SPMIP7: variants seen among roughly 807,000 people sequenced by gnomAD.
SPMIP7 encodes the protein protein SPMIP7.
chr7:50,157,436 T>C, the SPMIP7 span, among the ~76,000 whole-genome samples: 1 of 152,186 alleles, frequency 6.6e-6, no homozygotes, highest in African/African-American at 2.4e-5. Context: ...CCAGTGTTTC[T>C]TGCCCACACC....
At chr7:50,101,825 T>C in the SPMIP7 span, among the ~76,000 whole-genome samples, 3 of 152,314 alleles carry the variant, frequency 2.0e-5, no homozygotes, top group African/African-American at 7.2e-5. Flanking sequence ...TTCTTAAAAC[T>C]GAAATGACCA....
the SPMIP7 span, among the ~76,000 whole-genome samples, chr7:50,131,202 G>A: frequency 1.6e-4 from 24 of 152,206 alleles, no homozygotes; most frequent in Middle Eastern, 6.8e-3. Context: ...TGTAAGCAAC[G>A]GTTGAGTTCT....
chr7:50,128,819 T>C, the SPMIP7 span, among the ~76,000 whole-genome samples: 1 of 151,996 alleles, frequency 6.6e-6, no homozygotes, highest in African/African-American at 2.4e-5. Context: ...AAGTTATGAA[T>C]TGTTAAATCG....
the SPMIP7 span, chr7:50,104,463 T>TA: frequency 4.6e-6 from 2 of 439,536 alleles, no homozygotes; most frequent in Admixed American, 4.6e-5. Context: ...TTTCATTGTA[T>TA]TATATATATA....
At chr7:50,109,218 AAT>A in the SPMIP7 span, among the ~76,000 whole-genome samples, 4 of 152,202 alleles carry the variant, frequency 2.6e-5, no homozygotes, top group African/African-American at 9.7e-5. Context: ...ATGGCTCAGA[AAT>A]AGTTTTATGT....
chr7:50,127,591 T>C, the SPMIP7 span, among the ~76,000 whole-genome samples: 1 of 146,304 alleles, frequency 6.8e-6, no homozygotes, highest in Non-Finnish European at 1.5e-5. Context: ...TGTGTTATTC[T>C]GAAAAACGTC....
the SPMIP7 span, among the ~76,000 whole-genome samples, chr7:50,121,806 A>G: frequency 6.8e-6 from 1 of 146,466 alleles, no homozygotes; most frequent in African/African-American, 2.6e-5. Flanking sequence ...GGCACTTGCC[A>G]TCATGCCCAG....
At chr7:50,120,087 G>C in the SPMIP7 span, 1 of 152,130 alleles carries the variant, frequency 6.6e-6, no homozygotes, top group South Asian at 2.1e-4. Flanking sequence ...CTGCTTGCTG[G>C]TTCATATCTT....
the SPMIP7 span, chr7:50,129,912 G>A: frequency 0.83 from 525,369 of 630,426 alleles, 219,549 homozygotes; most frequent in East Asian, 0.91. Flanking sequence ...GACATCAAAC[G>A]CAGACATTTA....
At chr7:50,154,647 C>G in the SPMIP7 span, among the ~76,000 whole-genome samples, 3 of 152,164 alleles carry the variant, frequency 2.0e-5, no homozygotes, top group East Asian at 1.9e-4. Flanking sequence ...GTGTCCATAT[C>G]TTGGCTATTG....
the SPMIP7 span, among the ~76,000 whole-genome samples, chr7:50,102,839 GT>G: frequency 2.0e-5 from 3 of 151,540 alleles, no homozygotes; most frequent in African/African-American, 7.3e-5. Flanking sequence ...ATTTCTTTGT[GT>G]TCATTAATTA....
At chr7:50,153,640 T>C in the SPMIP7 span, among the ~76,000 whole-genome samples, 7 of 152,190 alleles carry the variant, frequency 4.6e-5, no homozygotes, top group South Asian at 2.1e-4. Context: ...AAGGGAATGT[T>C]ACTATCACCA....
chr7:50,118,786 A>C, the SPMIP7 span, among the ~76,000 whole-genome samples: 1 of 152,128 alleles, frequency 6.6e-6, no homozygotes, highest in Non-Finnish European at 1.5e-5. Flanking sequence ...TAACTGAATC[A>C]ATTTGATTGC....
chr7:50,116,414 G>T, the SPMIP7 span, among the ~76,000 whole-genome samples: 1 of 152,170 alleles, frequency 6.6e-6, no homozygotes, highest in African/African-American at 2.4e-5. Context: ...ACTGAATAAG[G>T]TTTTTAGAAA....
chr7:50,150,995 T>A, the SPMIP7 span, among the ~76,000 whole-genome samples: 8 of 152,224 alleles, frequency 5.3e-5, no homozygotes, highest in Admixed American at 4.6e-4. Context: ...AGTACATTAA[T>A]GGTGATAAGA....
At chr7:50,154,288 C>T in the SPMIP7 span, among the ~76,000 whole-genome samples, 2 of 152,122 alleles carry the variant, frequency 1.3e-5, no homozygotes, top group South Asian at 2.1e-4. Context: ...ATCCTGAATA[C>T]GATGCACTAT....
the SPMIP7 span, chr7:50,121,460 A>T: frequency 2.0e-4 from 30 of 152,308 alleles, no homozygotes; most frequent in African/African-American, 6.5e-4. Flanking sequence ...AAGATGTTAA[A>T]CTAAGGCAAA....
chr7:50,103,098 G>A, the SPMIP7 span, among the ~76,000 whole-genome samples: 3 of 149,422 alleles, frequency 2.0e-5, no homozygotes. Flanking sequence ...TGGCATCTGT[G>A]ATAGAGCTGC....
the SPMIP7 span, among the ~76,000 whole-genome samples, chr7:50,138,723 A>C: frequency 2.0e-5 from 3 of 152,130 alleles, no homozygotes; most frequent in Admixed American, 6.6e-5. Context: ...TAACAATTGC[A>C]CCACTTCAAT....
Sources: allele counts gnomAD v4.1 joint callset (sites outside exome capture counted in the v4.1 genomes callset), GRCh38; gene constraint gnomAD v4.1.1; transcripts MANE v1.5; gene names NCBI Gene and HGNC (gene_info 2026-07-23, HGNC 2026-07-21).